The following LDB2 variants were observed in gnomAD, a reference collection of about 807,000 sequenced individuals.
LDB2 encodes LIM domain-binding protein 2.
LDB2 carries 12 observed loss-of-function variants against 44.3 expected under a neutral mutation model. That is an observed-to-expected ratio of 0.27 (90% CI 0.17 to 0.44). LDB2 has a LOEUF of 0.44. Among genes scored for constraint, LDB2 ranks in the 20% least tolerant of loss-of-function variants. The probability of loss-of-function intolerance (pLI) is 1.00; values close to 1 mark genes in which losing one functional copy is unlikely to be tolerated. For synonymous variants in LDB2, 164 were observed against 174.8 expected (o/e 0.94, Z 0.49); for missense variants, 344 against 473.5 (o/e 0.73, Z 2.54).
intron 1 of LDB2, among the ~76,000 whole-genome samples, chr4:16,816,081 A>T (rs1304989437): frequency 6.6e-6 from 1 of 152,052 alleles, no homozygotes; most frequent in Non-Finnish European, 1.5e-5. Flanking sequence ...GGTGGTGGGC[A>T]CCTGTAATCC....
intron 2 of LDB2, among the ~76,000 whole-genome samples, chr4:16,686,388 C>T (rs1051371584): frequency 2.6e-5 from 4 of 152,206 alleles, no homozygotes; most frequent in Non-Finnish European, 5.9e-5. Flanking sequence ...CTCATTCTTA[C>T]TGATGCAGAG....
rs1295172376 is a variant in LDB2 at position 16,805,344 on chromosome 4, G to A, written c.133-46084C>T. Among the ~76,000 whole-genome samples, 5 of 152,164 alleles carry A rather than the reference G, an allele frequency of 3.3e-5. No homozygotes were observed. In the East Asian group the frequency reaches 9.6e-4, roughly 29 times the overall value. On this transcript the variant is annotated intron_variant, in intron 1 of 7. Coordinates refer to ENST00000304523, the MANE Select transcript of LDB2 (RefSeq NM_001290.5). ...AGTCAACAAACTCATTTCTATATCAGCAAGTGTTTATCTGGGCCAAAGTCA... is the reference window on the plus strand; with the variant it reads ...AGTCAACAAACTCATTTCTATATCAACAAGTGTTTATCTGGGCCAAAGTCA...
intron 1 of LDB2, among the ~76,000 whole-genome samples, chr4:16,789,895 G>A (rs1053466507): frequency 1.3e-5 from 2 of 152,154 alleles, no homozygotes; most frequent in Non-Finnish European, 2.9e-5. Flanking sequence ...TAGCGCCACT[G>A]CACTCTAGCC....
intron 1 of LDB2, among the ~76,000 whole-genome samples, chr4:16,817,205 A>T: frequency 6.6e-6 from 1 of 152,172 alleles, no homozygotes; most frequent in Admixed American, 6.5e-5. Context: ...CTAAATCTTG[A>T]ACTTTACGAC....
chr4:16,588,558 G>T, intron 4 of LDB2, 152 bp downstream of exon 4: 1 of 726,946 alleles, frequency 1.4e-6, no homozygotes, highest in Non-Finnish European at 2.2e-6. Context: ...GATTAAAACC[G>T]TTGAGAACAA....
At chr4:16,538,039 C>T (rs539627391) in intron 5 of LDB2, among the ~76,000 whole-genome samples, 4 of 152,342 alleles carry the variant, frequency 2.6e-5, no homozygotes, top group Non-Finnish European at 4.4e-5. Context: ...CATGGCTGAT[C>T]TGGCATTCAG....
At chr4:16,522,650 G>C (rs1170308931) in intron 5 of LDB2, among the ~76,000 whole-genome samples, 1 of 152,136 alleles carries the variant, frequency 6.6e-6, no homozygotes, top group Non-Finnish European at 1.5e-5. Context: ...TATATATAGA[G>C]AGAAATGTAA....
intron 5 of LDB2, among the ~76,000 whole-genome samples, chr4:16,538,568 C>T (rs1393668105): frequency 3.3e-5 from 5 of 152,176 alleles, no homozygotes; most frequent in African/African-American, 2.4e-5. Context: ...CACTTGCTTG[C>T]TGAGCACCTG....
At position 16,502,489 on chromosome 4, in the gene LDB2, G is replaced by C; in HGVS notation, c.*154C>G. On this transcript the variant is annotated 3_prime_UTR_variant, in exon 8 of 8. Transcript: ENST00000304523. ...AATAATCCTCTCAATTAGAAAAAAA[G>C]AAAGAAGAAAGAAAATCAGATCATT... 1 of 1,130,740 alleles carries C rather than the reference G, an allele frequency of 8.8e-7. No homozygotes were observed. The highest frequency in any genetic ancestry group is 1.6e-5 in the South Asian group (1 of 64,270). The allele number at this position is 1,130,740 out of a possible 1,614,324, so 70.0% of individuals were successfully genotyped here. A position where few individuals can be genotyped will look rare whatever the true frequency, so the allele number is the denominator to read the frequency against.
chr4:16,510,780 A>G lies in LDB2; in HGVS notation c.739+1201T>C, dbSNP rs140353379. Among the ~76,000 whole-genome samples, 18 of 152,310 alleles carry G rather than the reference A, an allele frequency of 1.2e-4. No individual in the cohort carries two copies. In the East Asian group the frequency reaches 3.3e-3, roughly 28 times the overall value. On this transcript the variant is annotated intron_variant, in intron 6 of 7. Transcript: ENST00000304523. The stretch of plus-strand genomic sequence containing the variant: ...AGGATTCAATATTTTTGCATGCTTT[A>G]TTCAGTTTTGTAACTCCCAGTGGCT...
intron 5 of LDB2, among the ~76,000 whole-genome samples, chr4:16,573,899 T>G (rs1747467992): frequency 6.6e-6 from 1 of 152,148 alleles, no homozygotes; most frequent in East Asian, 1.9e-4. Flanking sequence ...TCTCCTGTCA[T>G]GTAACCAAGG....
intron 5 of LDB2, among the ~76,000 whole-genome samples, chr4:16,536,161 C>G (rs181068186): frequency 9.2e-4 from 140 of 152,298 alleles, no homozygotes; most frequent in Non-Finnish European, 1.7e-3. Context: ...GTTTTCTATA[C>G]TGGACCAGGA....
chr4:16,835,987 C>T (rs566798012), intron 1 of LDB2, among the ~76,000 whole-genome samples: 1 of 152,268 alleles, frequency 6.6e-6, no homozygotes, highest in East Asian at 1.9e-4. Flanking sequence ...GTAGTATTTG[C>T]TAATTTCTTT....
chr4:16,716,761 C>G (rs763053857), intron 2 of LDB2, among the ~76,000 whole-genome samples: 4 of 152,218 alleles, frequency 2.6e-5, no homozygotes, highest in Non-Finnish European at 2.9e-5. Flanking sequence ...GGATTGAATC[C>G]TTTCACCTTT....
chr4:16,581,383 C>T (rs911449729), intron 5 of LDB2: 15 of 982,556 alleles, frequency 1.5e-5, no homozygotes, highest in African/African-American at 1.7e-5. Flanking sequence ...CTCCCAAGCC[C>T]ATGTCACAGT....
chr4:16,664,807 G>A (rs1742576208), intron 2 of LDB2, among the ~76,000 whole-genome samples: 1 of 152,256 alleles, frequency 6.6e-6, no homozygotes. Flanking sequence ...CTCTCTGCAT[G>A]TTTCGGGTGT....
intron 2 of LDB2, among the ~76,000 whole-genome samples, chr4:16,754,363 A>G (rs1766074623): frequency 6.6e-6 from 1 of 152,202 alleles, no homozygotes; most frequent in East Asian, 1.9e-4. Context: ...TTCACTTGAT[A>G]AGTCCTGCCC....
chr4:16,586,288 G>A (rs1213241268), intron 4 of LDB2, among the ~76,000 whole-genome samples: 2 of 152,062 alleles, frequency 1.3e-5, no homozygotes, highest in Non-Finnish European at 2.9e-5. Context: ...AGAGGCCTTG[G>A]CACTCGGGTC....
intron 2 of LDB2, among the ~76,000 whole-genome samples, chr4:16,755,472 GGTGTGTGTGTGT>G (rs58186199): frequency 0.03 from 3,563 of 118,292 alleles, 44 homozygotes; most frequent in Non-Finnish European, 0.035. Context: ...GTAGGAATAG[GGTGTGTGTGTGT>G]GTGTGTGTGT....
Sources: allele counts gnomAD v4.1 joint callset (sites outside exome capture counted in the v4.1 genomes callset), GRCh38; gene constraint gnomAD v4.1.1; transcripts MANE v1.5; gene names NCBI Gene and HGNC (gene_info 2026-07-23, HGNC 2026-07-21).